Variants in SUPT3H observed in about 807,000 individuals in gnomAD.
The protein encoded by SUPT3H is SPT3 homolog, SAGA and STAGA complex component.
A neutral mutation model predicts 44.3 loss-of-function variants in SUPT3H; 44 were observed. That is an observed-to-expected ratio of 0.99 (90% CI 0.78 to 1.28). The LOEUF (loss-of-function observed/expected upper bound fraction) is 1.28, where lower values mean the gene tolerates loss of function less well. SUPT3H is among the 50% of genes most tolerant of loss of function. SUPT3H has a pLI of 0.00. For missense variants in SUPT3H, 380 were observed against 387.1 expected, an observed-to-expected ratio of 0.98 and a Z score of 0.15; for synonymous variants, 124 against 125.6, an observed-to-expected ratio of 0.99 and a Z score of 0.09.
chr6:44,893,898 T>C (rs1486617264), intron 10 of SUPT3H, among the ~76,000 whole-genome samples: 2 of 143,956 alleles, frequency 1.4e-5, no homozygotes, highest in Non-Finnish European at 1.5e-5. Flanking sequence ...TTCCTGACTT[T>C]TTAATGATCG....
chr6:44,885,986 C>A (rs7768241), intron 10 of SUPT3H, among the ~76,000 whole-genome samples: 17,694 of 151,730 alleles, frequency 0.12, 1,225 homozygotes, highest in African/African-American at 0.19. Flanking sequence ...CCTCAGGAGC[C>A]GATTAGATCA....
chr6:45,081,194 A>T (rs114807183), intron 3 of SUPT3H, among the ~76,000 whole-genome samples: 1 of 152,002 alleles, frequency 6.6e-6, no homozygotes, highest in African/African-American at 2.4e-5. Context: ...AACAATGCCT[A>T]CATAATCTGG....
chr6:45,152,047 A>G (rs746078848), intron 2 of SUPT3H, among the ~76,000 whole-genome samples: 6 of 152,092 alleles, frequency 3.9e-5, no homozygotes, highest in Non-Finnish European at 7.4e-5. Flanking sequence ...CCAAATCTTT[A>G]AATACCATCT....
At chr6:44,945,948 A>G (rs1379847782) in intron 9 of SUPT3H, among the ~76,000 whole-genome samples, 1 of 152,186 alleles carries the variant, frequency 6.6e-6, no homozygotes, top group Non-Finnish European at 1.5e-5. Flanking sequence ...TCAAAGCTTC[A>G]AAGCTGACTC....
chr6:44,865,219 T>A (rs1332222316), intron 10 of SUPT3H, among the ~76,000 whole-genome samples: 1 of 152,162 alleles, frequency 6.6e-6, no homozygotes, highest in African/African-American at 2.4e-5. Context: ...CCACTCCATA[T>A]CATTATCACC....
At chr6:45,310,364 A>T (rs1296476786) in intron 2 of SUPT3H, among the ~76,000 whole-genome samples, 1 of 152,066 alleles carries the variant, frequency 6.6e-6, no homozygotes, top group East Asian at 1.9e-4. Context: ...CCAAAGACAA[A>T]GGACATACAA....
chr6:45,107,048 T>C lies in SUPT3H; in HGVS notation c.102-1042A>G, dbSNP rs985408780. On this transcript the variant is annotated intron_variant, in intron 2 of 10. Coordinates refer to ENST00000371459, the MANE Select transcript of SUPT3H (RefSeq NM_003599.4). The stretch of plus-strand genomic sequence containing the variant: ...CCATTGAATATGACTTGGAATTATA[T>C]AGAAGCAGATTTTCAAGAATGGATT... Among the ~76,000 whole-genome samples the C allele has an allele frequency of 5.3e-5, 8 of 152,316 alleles. No homozygotes were observed. In the Middle Eastern group the frequency reaches 0.01, roughly 194 times the overall value.
intron 6 of SUPT3H, among the ~76,000 whole-genome samples, chr6:44,975,023 T>C (rs770193217): frequency 6.6e-6 from 1 of 151,888 alleles, no homozygotes; most frequent in Non-Finnish European, 1.5e-5. Flanking sequence ...ATACAAAAAT[T>C]AGCTGGGCAT....
chr6:45,225,005 G>A (rs768062392), intron 2 of SUPT3H, among the ~76,000 whole-genome samples: 3 of 151,896 alleles, frequency 2.0e-5, no homozygotes, highest in Non-Finnish European at 2.9e-5. Context: ...TCTGCCAGGC[G>A]TGGTGACTCA....
chr6:45,298,324 T>C (rs1781608838), intron 2 of SUPT3H, among the ~76,000 whole-genome samples: 1 of 152,086 alleles, frequency 6.6e-6, no homozygotes, highest in African/African-American at 2.4e-5. Context: ...CAGGAAAAAC[T>C]AAAATTATTT....
chr6:45,243,664 C>T (rs1253388741), intron 2 of SUPT3H, among the ~76,000 whole-genome samples: 3 of 152,214 alleles, frequency 2.0e-5, no homozygotes, highest in Admixed American at 1.3e-4. Flanking sequence ...TGGACAAACT[C>T]CTTGAAAGAC....
At chr6:45,096,536 G>A (rs1209209274) in intron 3 of SUPT3H, among the ~76,000 whole-genome samples, 1 of 152,084 alleles carries the variant, frequency 6.6e-6, no homozygotes, top group African/African-American at 2.4e-5. Context: ...AGGCCTAAGT[G>A]AAGCACTGGA....
At chr6:45,259,022 T>G (rs1221380417) in intron 2 of SUPT3H, among the ~76,000 whole-genome samples, 1 of 152,162 alleles carries the variant, frequency 6.6e-6, no homozygotes, top group East Asian at 1.9e-4. Flanking sequence ...CCAGATTTCA[T>G]CAATCATATT....
At chr6:45,167,666 G>GT (rs60203219) in intron 2 of SUPT3H, among the ~76,000 whole-genome samples, 45,789 of 145,574 alleles carry the variant, frequency 0.31, 7,064 homozygotes, top group African/African-American at 0.34. Context: ...GATTTTGGCT[G>GT]TTTTTTTTTT....
intron 10 of SUPT3H, among the ~76,000 whole-genome samples, chr6:44,878,545 T>C (rs963012361): frequency 2.0e-5 from 3 of 152,072 alleles, no homozygotes; most frequent in African/African-American, 7.2e-5. Context: ...AAATATTTCA[T>C]CCATTGGTTA....
intron 3 of SUPT3H, among the ~76,000 whole-genome samples, chr6:45,092,207 A>C (rs1329615416): frequency 6.6e-6 from 1 of 151,526 alleles, no homozygotes; most frequent in East Asian, 1.9e-4. Context: ...ACTCTACTGC[A>C]AAAAAAACCC....
intron 7 of SUPT3H, among the ~76,000 whole-genome samples, chr6:44,959,618 TTAA>T (rs1562138908): frequency 6.6e-6 from 1 of 152,136 alleles, no homozygotes. Context: ...TGTGTCAATA[TTAA>T]TATCAGATTT....
chr6:45,181,920 T>C (rs1056574489), intron 2 of SUPT3H, among the ~76,000 whole-genome samples: 1 of 151,812 alleles, frequency 6.6e-6, no homozygotes, highest in Admixed American at 6.6e-5. Flanking sequence ...ATACCTTGTC[T>C]AATAAAACTG....
Position 44,937,178 on chromosome 6 carries a change from A to T in SUPT3H, c.802-4415T>A, listed in dbSNP as rs892413119. Among the ~76,000 whole-genome samples, 3 of 152,150 alleles carry T rather than the reference A, an allele frequency of 2.0e-5. No individual in the cohort carries two copies. In the East Asian group the frequency reaches 5.8e-4, roughly 29 times the overall value. On this transcript the variant is annotated intron_variant, in intron 9 of 10. Transcript: ENST00000371459. ...TAATGAGATTGCTGGATTGAATGAT[A>T]GTTCTATTTTCAGTTAAGAAATAGC...
Sources: gnomAD v4.1 joint callset for allele counts (sites outside exome capture counted in the v4.1 genomes callset) on GRCh38, gnomAD v4.1.1 for gene constraint, MANE v1.5 for transcripts, NCBI Gene and HGNC (gene_info 2026-07-23, HGNC 2026-07-21) for gene names.